Variants in KCTD16 observed in about 807,000 individuals in gnomAD.
KCTD16 encodes the protein BTB/POZ domain-containing protein KCTD16.
A neutral mutation model predicts 33.2 loss-of-function variants in KCTD16; 13 were observed. The observed-to-expected ratio is 0.39, with a 90% CI of 0.25 to 0.62. The LOEUF is 0.62. KCTD16 is among the 20% of genes least tolerant of loss of function. The probability of loss-of-function intolerance (pLI) is 0.50; values close to 1 mark genes in which losing one functional copy is unlikely to be tolerated. For synonymous variants in KCTD16, 197 were observed against 195.3 expected, an observed-to-expected ratio of 1.01 and a Z score of -0.07; for missense variants, 441 against 525.1, an observed-to-expected ratio of 0.84 and a Z score of 1.57.
chr5:144,336,412 G>A (rs1339730544), intron 3 of KCTD16, among the ~76,000 whole-genome samples: 1 of 152,218 alleles, frequency 6.6e-6, no homozygotes, highest in Non-Finnish European at 1.5e-5. Flanking sequence ...GCCAGGAAGA[G>A]CATCTGCATG....
At chr5:144,430,661 G>A (rs541415857) in intron 3 of KCTD16, among the ~76,000 whole-genome samples, 133 of 152,234 alleles carry the variant, frequency 8.7e-4, no homozygotes, top group African/African-American at 3.1e-3. Flanking sequence ...CAATAAGACA[G>A]GTAACATGTT....
At chr5:144,249,576 G>A (rs1408963092) in intron 3 of KCTD16, among the ~76,000 whole-genome samples, 2 of 152,088 alleles carry the variant, frequency 1.3e-5, no homozygotes, top group East Asian at 3.9e-4. Context: ...CCTATTCTCT[G>A]TTATAATAAA....
At chr5:144,454,911 A>G (rs1024417482) in intron 3 of KCTD16, among the ~76,000 whole-genome samples, 4 of 152,180 alleles carry the variant, frequency 2.6e-5, no homozygotes, top group African/African-American at 9.7e-5. Flanking sequence ...ATATATTTTG[A>G]GGTTGGTATC....
chr5:144,281,873 A>G (rs990281567), intron 3 of KCTD16, among the ~76,000 whole-genome samples: 1 of 152,208 alleles, frequency 6.6e-6, no homozygotes, highest in African/African-American at 2.4e-5. Context: ...ATCTATTATT[A>G]GGTACAAACA....
At chr5:144,292,560 G>C in intron 3 of KCTD16, among the ~76,000 whole-genome samples, 1 of 152,116 alleles carries the variant, frequency 6.6e-6, no homozygotes, top group East Asian at 1.9e-4. Flanking sequence ...AAGAGAAACT[G>C]TTCAATATGG....
chr5:144,471,813 T>G (rs1754482807), intron 3 of KCTD16, among the ~76,000 whole-genome samples: 10 of 152,214 alleles, frequency 6.6e-5, no homozygotes, highest in Admixed American at 5.9e-4. Context: ...TTGCATTTAA[T>G]TTAATGGCTC....
Position 144,450,138 on chromosome 5 carries a change from G to T in KCTD16, c.833-23522G>T, listed in dbSNP as rs754656306. Among the ~76,000 whole-genome samples the T allele has an allele frequency of 1.1e-4, 17 of 151,930 alleles. 1 individual carries two copies. The highest frequency in any genetic ancestry group is 2.1e-4 in the Non-Finnish European group (14 of 67,920). On this transcript the variant is annotated intron_variant, in intron 3 of 3. Transcript: ENST00000512467. ...TAATCAGATTTTAAAACTGGAAAAA[G>T]AACTGAATAGCTATTTCTCTAAACG...
At chr5:144,197,603 G>T (rs1752963180) in intron 2 of KCTD16, among the ~76,000 whole-genome samples, 1 of 152,138 alleles carries the variant, frequency 6.6e-6, no homozygotes, top group Non-Finnish European at 1.5e-5. Context: ...GATCTATGCT[G>T]GATTGTGTTG....
At chr5:144,200,738 T>C (rs995780128) in intron 2 of KCTD16, among the ~76,000 whole-genome samples, 1 of 152,178 alleles carries the variant, frequency 6.6e-6, no homozygotes, top group Non-Finnish European at 1.5e-5. Context: ...CAAGAATCTA[T>C]AACTTTGTTT....
Position 144,480,327 on chromosome 5 carries a change from G to A in KCTD16, c.*6213G>A, listed in dbSNP as rs900280519. 3.4e-5 allele frequency: 4 copies of A among 118,582 alleles called. No individual in the cohort carries two copies. The Admixed American group carries it at 3.6e-4, about 11-fold the overall frequency. The allele number at this position is 118,582 out of a possible 1,614,324, so 7.3% of individuals were successfully genotyped here. A position where few individuals can be genotyped will look rare whatever the true frequency, so the allele number is the denominator to read the frequency against. On this transcript the variant is annotated 3_prime_UTR_variant, in exon 4 of 4. Transcript: ENST00000512467. Reference sequence around the variant, plus strand: ...ACTGTGGATGTCAGTCCTTGAGAATGTTAAGTAAAGCTTGAGCTTGTCTCC... The same window carrying A: ...ACTGTGGATGTCAGTCCTTGAGAATATTAAGTAAAGCTTGAGCTTGTCTCC...
chr5:144,413,457 C>T (rs1752978221), intron 3 of KCTD16, among the ~76,000 whole-genome samples: 2 of 152,186 alleles, frequency 1.3e-5, no homozygotes, highest in Admixed American at 1.3e-4. Flanking sequence ...TTGAAGATTA[C>T]ACATAATTCA....
At chr5:144,177,536 T>G (rs2126771371) in intron 2 of KCTD16, among the ~76,000 whole-genome samples, 1 of 152,300 alleles carries the variant, frequency 6.6e-6, no homozygotes, top group Non-Finnish European at 1.5e-5. Context: ...TTGCAGCTTC[T>G]GGTGCTTTGA....
chr5:144,249,625 A>C (rs1754642497), intron 3 of KCTD16, among the ~76,000 whole-genome samples: 1 of 152,208 alleles, frequency 6.6e-6, no homozygotes, highest in African/African-American at 2.4e-5. Context: ...GTTGGCTACA[A>C]TTTTGCCTCC....
rs1045820956 is a variant in KCTD16, at chr5:144,279,310, G to A, written c.832+71764G>A. On this transcript the variant is annotated intron_variant, in intron 3 of 3. Transcript: ENST00000512467. ...TTTTTTTTTATTTTTTGTACCAATC[G>A]CAATGACCAGGAATTCAATTATGAT... Among the ~76,000 whole-genome samples, 7 of 151,668 alleles carry A rather than the reference G, an allele frequency of 4.6e-5. No individual in the cohort carries two copies. The South Asian group carries it at 6.2e-4, about 14-fold the overall frequency.
intron 3 of KCTD16, among the ~76,000 whole-genome samples, chr5:144,436,024 G>A (rs1186076703): frequency 6.6e-6 from 1 of 152,186 alleles, no homozygotes. Context: ...AAGGGGTAAA[G>A]AACAGTTGTG....
chr5:144,323,575 C>G (rs765295135), intron 3 of KCTD16, among the ~76,000 whole-genome samples: 15 of 152,146 alleles, frequency 9.9e-5, no homozygotes, highest in Non-Finnish European at 1.6e-4. Context: ...TAGGAATCAG[C>G]CTGCTCTAAT....
intron 3 of KCTD16, chr5:144,439,232 G>A: frequency 4.5e-6 from 1 of 224,564 alleles, no homozygotes. Flanking sequence ...TTTACTATTT[G>A]GAGAAATACA....
chr5:144,395,286 G>C (rs1291018733), intron 3 of KCTD16, among the ~76,000 whole-genome samples: 1 of 152,138 alleles, frequency 6.6e-6, no homozygotes, highest in Non-Finnish European at 1.5e-5. Flanking sequence ...GATAAGCATG[G>C]GGAGGCGATA....
At chr5:144,312,099 C>G (rs186312397) in intron 3 of KCTD16, among the ~76,000 whole-genome samples, 30 of 152,306 alleles carry the variant, frequency 2.0e-4, no homozygotes, top group Admixed American at 2.0e-3. Flanking sequence ...TGCTAGATGG[C>G]TCACAAACAC....
Sources: gnomAD v4.1 joint callset for allele counts (sites outside exome capture counted in the v4.1 genomes callset) on GRCh38, gnomAD v4.1.1 for gene constraint, MANE v1.5 for transcripts, NCBI Gene and HGNC (gene_info 2026-07-23, HGNC 2026-07-21) for gene names.